IWS1: variants seen among roughly 807,000 people sequenced by gnomAD.
The protein encoded by IWS1 is interacts with SUPT6H, CTD assembly factor 1.
A neutral mutation model predicts 86.7 loss-of-function variants in IWS1; 27 were observed. The observed-to-expected ratio is 0.31, with a 90% confidence interval of 0.23 to 0.43. The LOEUF is 0.43. Ranked by LOEUF, IWS1 falls within the 20% of genes least tolerant of loss-of-function variation. The probability of loss-of-function intolerance (pLI) is 1.00; values close to 1 mark genes in which losing one functional copy is unlikely to be tolerated. For synonymous variants in IWS1, 313 were observed against 335.1 expected (o/e 0.93, Z 0.72); for missense variants, 827 against 1,000.8 (o/e 0.83, Z 2.34).
intron 13 of IWS1, among the ~76,000 whole-genome samples, chr2:127,483,582 G>GGGGGGGGGGGGGGGGGGGT (rs1689758558): frequency 4.4e-5 from 2 of 45,712 alleles, no homozygotes; most frequent in African/African-American, 8.1e-5. Flanking sequence ...GGGGCGGGGG[G>GGGGGGGGGGGGGGGGGGGT]TGGTGGGGTG....
chr2:127,500,675 T>C (rs1364262875), intron 5 of IWS1, among the ~76,000 whole-genome samples: 3 of 152,216 alleles, frequency 2.0e-5, no homozygotes, highest in Admixed American at 6.5e-5. Flanking sequence ...TGGCAATTGT[T>C]GTCCTTTAAC....
intron 2 of IWS1, among the ~76,000 whole-genome samples, chr2:127,517,919 TG>T (rs1691864028): frequency 6.6e-6 from 1 of 152,206 alleles, no homozygotes; most frequent in African/African-American, 2.4e-5. Context: ...TGCTACAACA[TG>T]GCTACACCCT....
At chr2:127,521,692 G>T (rs1277708350) in intron 2 of IWS1, among the ~76,000 whole-genome samples, 1 of 152,206 alleles carries the variant, frequency 6.6e-6, no homozygotes, top group Non-Finnish European at 1.5e-5. Flanking sequence ...CAGAACGGTT[G>T]TATGGGTACT....
At chr2:127,525,005 C>T (rs1356487833) in intron 1 of IWS1, among the ~76,000 whole-genome samples, 3 of 151,586 alleles carry the variant, frequency 2.0e-5, no homozygotes, top group Non-Finnish European at 2.9e-5. Flanking sequence ...AAAGGATCCT[C>T]CCACTTCAGC....
intron 13 of IWS1, among the ~76,000 whole-genome samples, chr2:127,481,936 A>C (rs531361324): frequency 2.0e-5 from 3 of 152,298 alleles, no homozygotes; most frequent in African/African-American, 7.2e-5. Context: ...TTAAGTCTTT[A>C]CCCATTTGCC....
chr2:127,507,126 T>C (rs968313076), intron 2 of IWS1, among the ~76,000 whole-genome samples: 5 of 152,168 alleles, frequency 3.3e-5, no homozygotes, highest in African/African-American at 9.6e-5. Context: ...TAATAATATA[T>C]ATGCCCAACA....
rs867633423 is a variant in IWS1 at position 127,505,141 on chromosome 2, G to T, written c.762C>A (p.Asp254Glu). ...AGTCACTGGCCTGGTGCCTCGGAGG[G>T]TCCTCACTTTCTGAGTCACTGATAC... ...KPRISDSESE[D>E]PPRHQASDSE... Residue 254 changes from aspartate to glutamate, a missense_variant, in exon 3 of 14, where the codon GAC becomes GAA. This residue lies in a region of IWS1 where 548 missense variants were observed against 560.2 expected (regional missense o/e 0.98). Coordinates refer to ENST00000295321, the MANE Select transcript of IWS1 (RefSeq NM_017969.3). This position sits in a 1 kb window ranked among gnomAD's most constrained non-coding sequence, Gnocchi z 5.0. 1.2e-6 allele frequency: 2 copies of T among 1,610,364 alleles called. No homozygotes were observed. The highest frequency in any genetic ancestry group is 1.3e-5 in the African/African-American group (1 of 74,332).
intron 2 of IWS1, among the ~76,000 whole-genome samples, chr2:127,507,541 C>T (rs1017776217): frequency 7.2e-5 from 11 of 152,168 alleles, no homozygotes; most frequent in South Asian, 2.1e-4. Context: ...TCTATTAAAA[C>T]GGTATTAGGA....
Position 127,505,448 on chromosome 2 carries a change from C to G in IWS1, c.455G>C (p.Gly152Ala). 6.2e-7 allele frequency: 1 copy of G among 1,614,058 alleles called. No individual in the cohort carries two copies. Among genetic ancestry groups the G allele is most frequent in the Non-Finnish European group, 8.5e-7 (1 of 1,180,000 alleles). ...HASDSENEDV[G>A]KHPASDSEIE... ...CTCAGAATCACTGGCGGGATGCTTC[C>G]CAACATCTTCGTTTTCTGAGTCACT... Residue 152 changes from glycine to alanine, a missense_variant, in exon 3 of 14, where the codon GGG becomes GCG. Transcript: ENST00000295321. The surrounding 1 kb of genome is among the most constrained non-coding windows in gnomAD (Gnocchi z 5.0).
chr2:127,493,906 T>G (rs2104673140), intron 8 of IWS1, among the ~76,000 whole-genome samples: 1 of 151,680 alleles, frequency 6.6e-6, no homozygotes, highest in East Asian at 1.9e-4. Flanking sequence ...TCAGTTATGT[T>G]AATAGAAAAG....
rs989523641 is a variant in IWS1, at chr2:127,508,431, G to T, written c.151-2679C>A. 7.2e-5 allele frequency among the ~76,000 whole-genome samples: 11 copies of T among 152,144 alleles called. No individual in the cohort carries two copies. In the South Asian group the frequency reaches 8.3e-4, roughly 11 times the overall value. On this transcript the variant is annotated intron_variant, in intron 2 of 13. Transcript: ENST00000295321. Reference sequence around the variant, plus strand: ...AGTTAAGACGGGAGGGTGGGGAGAGGCATACAGTACCAGCAGAGGCAATTA... The same window carrying T: ...AGTTAAGACGGGAGGGTGGGGAGAGTCATACAGTACCAGCAGAGGCAATTA...
intron 12 of IWS1, among the ~76,000 whole-genome samples, chr2:127,487,569 A>G (rs190564141): frequency 6.6e-6 from 1 of 152,228 alleles, no homozygotes; most frequent in Non-Finnish European, 1.5e-5. Context: ...TTTTAACCCT[A>G]AACTTGAATC....
intron 2 of IWS1, among the ~76,000 whole-genome samples, chr2:127,511,617 T>C (rs1338911760): frequency 1.3e-5 from 2 of 152,200 alleles, no homozygotes; most frequent in Non-Finnish European, 2.9e-5. Context: ...ATTTATCTGA[T>C]ACACTGACCT....
chr2:127,522,948 G>A (rs1015612885), intron 2 of IWS1, among the ~76,000 whole-genome samples: 5 of 152,168 alleles, frequency 3.3e-5, no homozygotes, highest in Admixed American at 2.0e-4. Flanking sequence ...GGTGGCTCAC[G>A]CCTGTAATCC....
At chr2:127,515,147 C>T (rs1390364708) in intron 2 of IWS1, among the ~76,000 whole-genome samples, 2 of 152,158 alleles carry the variant, frequency 1.3e-5, no homozygotes, top group African/African-American at 2.4e-5. Context: ...ATGTTTATTA[C>T]ACCTCATTTG....
intron 2 of IWS1, among the ~76,000 whole-genome samples, chr2:127,513,290 C>T (rs1381003629): frequency 6.6e-6 from 1 of 152,024 alleles, no homozygotes; most frequent in South Asian, 2.1e-4. Context: ...ATTTGGAAAC[C>T]ATATAATAAC....
In IWS1 at chr2:127,486,641, C is replaced by T. The variant is rs968448102; in HGVS notation, c.2240G>A (p.Gly747Glu). Residue 747 changes from glycine to glutamate, a missense_variant, in exon 13 of 14, where the codon GGA (glycine) becomes GAA (glutamate). By Grantham distance (98) the Gly-to-Glu change is moderately conservative (BLOSUM62 -2). Transcript: ENST00000295321. ...EEKALRPGDP[G>E]FCARARVPMP... ...TGGGACCCTTGCACGGGCACAGAAT[C>T]CAGGATCTCCAGGTCTAAGAGCCCT... The T allele has an allele frequency of 6.2e-7, 1 of 1,614,006 alleles. No homozygotes were observed. The highest frequency in any genetic ancestry group is 8.5e-7 in the Non-Finnish European group (1 of 1,179,890).
chr2:127,525,073 T>C (rs1692320030), intron 1 of IWS1, among the ~76,000 whole-genome samples: 1 of 140,152 alleles, frequency 7.1e-6, no homozygotes, highest in Non-Finnish European at 1.5e-5. Flanking sequence ...TTTTTGCATT[T>C]TTTTGTAGAG....
At chr2:127,492,843 A>G (rs956997500) in intron 9 of IWS1, 2 of 152,776 alleles carry the variant, frequency 1.3e-5, no homozygotes, top group African/African-American at 4.8e-5. Context: ...GAATCAATAC[A>G]TATATAAAGC....
Sources: gnomAD v4.1 joint callset for allele counts (sites outside exome capture counted in the v4.1 genomes callset) on GRCh38, gnomAD v4.1.1 for gene constraint, gnomAD v4.1.1 regional missense constraint, Gnocchi (gnomAD v3.1) non-coding constraint, MANE v1.5 for transcripts, NCBI Gene and HGNC (gene_info 2026-07-23, HGNC 2026-07-21) for gene names.